PNKD: variants seen among roughly 807,000 people sequenced by gnomAD.
PNKD encodes the protein probable thioesterase PNKD.
A neutral mutation model predicts 45.3 loss-of-function variants in PNKD; 36 were observed. That is an observed-to-expected ratio of 0.80 (90% CI 0.61 to 1.05). The LOEUF (loss-of-function observed/expected upper bound fraction) is 1.05, where lower values mean the gene tolerates loss of function less well. Among genes scored for constraint, PNKD ranks in the 50% least tolerant of loss-of-function variants. The pLI, the probability that PNKD is intolerant of heterozygous loss-of-function variation, is 0.00. For missense variants in PNKD, 511 were observed against 506.6 expected, an observed-to-expected ratio of 1.01 and a Z score of -0.08; for synonymous variants, 197 against 210.1, an observed-to-expected ratio of 0.94 and a Z score of 0.54.
chr2:218,273,496 TTGA>T (rs1690946315), intron 2 of PNKD, among the ~76,000 whole-genome samples: 2 of 124,830 alleles, frequency 1.6e-5, no homozygotes, highest in East Asian at 2.4e-4. Flanking sequence ...TTTTTTTTTT[TTGA>T]GACAGAGTTT....
chr2:218,323,337 C>T (rs545407591), intron 2 of PNKD: 1 of 1,579,358 alleles, frequency 6.3e-7, no homozygotes, highest in Admixed American at 1.8e-5. Flanking sequence ...CGTCCTTGTC[C>T]TCGTCCTACT....
chr2:218,323,151 G>A, intron 2 of PNKD: 2 of 1,339,124 alleles, frequency 1.5e-6, no homozygotes, highest in Non-Finnish European at 1.9e-6. Flanking sequence ...TGGGCGGGGC[G>A]GGGCCACAAC....
chr2:218,322,980 C>G (rs1694030101), intron 2 of PNKD, among the ~76,000 whole-genome samples: 1 of 152,118 alleles, frequency 6.6e-6, no homozygotes, highest in South Asian at 2.1e-4. Context: ...TCCCAGGGCT[C>G]AGGCGACTGT....
intron 2 of PNKD, among the ~76,000 whole-genome samples, chr2:218,303,625 G>A (rs1693332004): frequency 7.0e-6 from 1 of 142,474 alleles, no homozygotes; most frequent in Non-Finnish European, 1.5e-5. Context: ...TGCCCAGGCT[G>A]GAATGCAGTG....
At chr2:218,284,183 G>C (rs1330842714) in intron 2 of PNKD, 2 of 122,752 alleles carry the variant, frequency 1.6e-5, no homozygotes, top group Non-Finnish European at 1.8e-5. Context: ...AAAAAAAAAA[G>C]CACTGGCCGG....
intron 2 of PNKD, among the ~76,000 whole-genome samples, chr2:218,290,457 G>A (rs761504381): frequency 2.0e-5 from 3 of 152,160 alleles, no homozygotes; most frequent in Non-Finnish European, 4.4e-5. Context: ...GCCCCTCAGA[G>A]CAGTCACATG....
At chr2:218,328,547 AC>A (rs1694221938) in intron 2 of PNKD, among the ~76,000 whole-genome samples, 1 of 152,166 alleles carries the variant, frequency 6.6e-6, no homozygotes, top group Non-Finnish European at 1.5e-5. Context: ...AGTGCCTGGC[AC>A]CTAGGTGGCC....
chr2:218,343,719 C>G, intron 8 of PNKD, 133 bp downstream of exon 8: 1 of 709,948 alleles, frequency 1.4e-6, no homozygotes. Flanking sequence ...AGCTCCACCT[C>G]TAGGGGTAGG....
intron 2 of PNKD, chr2:218,278,050 C>T (rs6707559): frequency 0.6 from 924,954 of 1,537,994 alleles, 278,775 homozygotes; most frequent in South Asian, 0.65. Context: ...CAGAAGGAAG[C>T]GCTTGGCTCC....
intron 2 of PNKD, chr2:218,277,767 ACGC>A: frequency 6.4e-7 from 1 of 1,574,468 alleles, no homozygotes; most frequent in Non-Finnish European, 8.7e-7. Flanking sequence ...GAGCTGGGGA[ACGC>A]CACCAAGTTG....
intron 2 of PNKD, among the ~76,000 whole-genome samples, chr2:218,335,411 G>A (rs1037396672): frequency 6.6e-6 from 1 of 151,974 alleles, no homozygotes. Context: ...AACCTGGGAG[G>A]TGGAGGTTGC....
At chr2:218,305,376 G>A (rs753030385) in intron 2 of PNKD, among the ~76,000 whole-genome samples, 3 of 152,064 alleles carry the variant, frequency 2.0e-5, no homozygotes, top group Admixed American at 6.6e-5. Context: ...TTCTGAGACA[G>A]GGTCTTACTC....
chr2:218,323,554 A>G, intron 2 of PNKD: 1 of 771,222 alleles, frequency 1.3e-6, no homozygotes, highest in Non-Finnish European at 1.8e-6. Context: ...GGTCTAAGGG[A>G]AGAGGGATCG....
Position 218,344,502 on chromosome 2 carries a change from C to A in PNKD, c.916C>A (p.Pro306Thr). 2 of 1,591,354 alleles carry A rather than the reference C, an allele frequency of 1.3e-6. No individual in the cohort carries two copies. The highest frequency in any genetic ancestry group is 2.3e-5 in the East Asian group (1 of 43,942). ...CCTGGGCTTTGCAGGTGTGGTGGAGCCCGAGAACCTGGCCCGGGAGAGGAA... is the reference window on the plus strand; with the variant it reads ...CCTGGGCTTTGCAGGTGTGGTGGAGACCGAGAACCTGGCCCGGGAGAGGAA... ...ENLGFAGVVE[P>T]ENLARERKMQ... Residue 306 changes from proline to threonine, a missense_variant, in exon 9 of 10, where the codon CCC (proline) becomes ACC (threonine). Pro to Thr is a conservative substitution (Grantham distance 38, BLOSUM62 -1). Coordinates refer to ENST00000273077, the MANE Select transcript of PNKD (RefSeq NM_015488.5).
intron 2 of PNKD, chr2:218,282,084 G>A: frequency 1.3e-6 from 2 of 1,588,584 alleles, no homozygotes; most frequent in Non-Finnish European, 1.7e-6. Context: ...GGGGGCGGAG[G>A]GCCTGGGTAC....
intron 2 of PNKD, among the ~76,000 whole-genome samples, chr2:218,317,529 GC>G (rs1693849027): frequency 6.6e-6 from 1 of 152,228 alleles, no homozygotes; most frequent in African/African-American, 2.4e-5. Context: ...AAGAGCAATG[GC>G]CTTGGCCTGG....
intron 2 of PNKD, chr2:218,323,288 C>T (rs113750225): frequency 1.3e-6 from 2 of 1,550,834 alleles, no homozygotes; most frequent in Admixed American, 1.9e-5. Context: ...AGGGCTGGCC[C>T]GCGGCGTGGC....
intron 2 of PNKD, among the ~76,000 whole-genome samples, chr2:218,296,658 T>C (rs1428331830): frequency 6.6e-6 from 1 of 151,926 alleles, no homozygotes; most frequent in Admixed American, 6.6e-5. Context: ...AGTTGCCTTT[T>C]TTCTGTTTTT....
At chr2:218,331,300 G>A (rs1488948641) in intron 2 of PNKD, among the ~76,000 whole-genome samples, 4 of 151,820 alleles carry the variant, frequency 2.6e-5, no homozygotes, top group African/African-American at 9.7e-5. Flanking sequence ...CAGCTACTTC[G>A]GGAGGCTGAG....
Sources: allele counts gnomAD v4.1 joint callset (sites outside exome capture counted in the v4.1 genomes callset), GRCh38; gene constraint gnomAD v4.1.1; transcripts MANE v1.5; gene names NCBI Gene and HGNC (gene_info 2026-07-23, HGNC 2026-07-21).